CSF2RA: variants seen among roughly 807,000 people sequenced by gnomAD.
CSF2RA encodes the protein colony stimulating factor 2 receptor subunit alpha, also known as granulocyte-macrophage colony-stimulating factor receptor subunit alpha.
In CSF2RA, 42 loss-of-function variants were observed where a neutral mutation model predicts 51.6. The observed-to-expected ratio is 0.81, with a 90% CI of 0.64 to 1.05. The LOEUF (loss-of-function observed/expected upper bound fraction) is 1.05. CSF2RA is among the 50% of genes least tolerant of loss of function. The pLI, the probability that CSF2RA is intolerant of heterozygous loss-of-function variation, is 0.00. For missense variants in CSF2RA, 530 were observed against 501.1 expected (o/e 1.06, Z -0.55); for synonymous variants, 222 against 193.0 (o/e 1.15, Z -1.24).
intron 4 of CSF2RA, chrX:1,287,343 G>T (rs767030360): frequency 1.3e-5 from 2 of 150,518 alleles, no homozygotes; most frequent in Non-Finnish European, 3.0e-5. Context: ...TAGTAGAGAC[G>T]GGGTTTCACC....
At chrX:1,296,582 G>C (rs28463748) in intron 9 of CSF2RA, among the ~76,000 whole-genome samples, 17 of 13,176 alleles carry the variant, frequency 1.3e-3, no homozygotes, top group East Asian at 2.1e-3. Context: ...TGGCGGAACT[G>C]TACAGTCCCC....
chrX:1,309,471 A>G lies in CSF2RA; in HGVS notation c.1195A>G (p.Ile399Val), dbSNP rs1291254911. The G allele has an allele frequency of 6.2e-7, 1 of 1,613,992 alleles. No individual in the cohort carries two copies. The highest frequency in any genetic ancestry group is 1.1e-5 in the South Asian group (1 of 91,078). Residue 399 changes from isoleucine (I) to valine (V), a missense_variant, in exon 13 of 13, where the codon ATT becomes GTT. Ile to Val is a conservative substitution (Grantham distance 29). Coordinates refer to ENST00000381529, the MANE Select transcript of CSF2RA (RefSeq NM_172245.4). ...CGAAGAGGTCTTGACCGTGAAGGAAATTACCTGAGACCCAGAGGGTGTAGG... is the reference window on the plus strand; with the variant it reads ...CGAAGAGGTCTTGACCGTGAAGGAAGTTACCTGAGACCCAGAGGGTGTAGG... Reference protein sequence around the residue: ...YREEVLTVKEIT With the variant: ...YREEVLTVKEVT
intron 3 of CSF2RA, chrX:1,285,564 C>T (rs188943383): frequency 4.7e-5 from 29 of 618,280 alleles, no homozygotes; most frequent in African/African-American, 9.4e-5. Context: ...GCATGGTGGT[C>T]GGCGCCTGTC....
chrX:1,303,796 G>A lies in CSF2RA; in HGVS notation c.947-127G>A. ...GAACCAAAAACAGGGAGGCAGGTTT[G>A]CTGGGCCCAGTTCTCAGCTTGACTG... On this transcript the variant is annotated intron_variant, in intron 10 of 12. Transcript: ENST00000381529. The A allele has an allele frequency of 3.5e-6, 3 of 867,352 alleles. No homozygotes were observed. In the East Asian group the frequency reaches 7.3e-5, roughly 21 times the overall value. The allele number at this position is 867,352 out of a possible 1,614,324, so 53.7% of individuals were successfully genotyped here.
intron 9 of CSF2RA, among the ~76,000 whole-genome samples, chrX:1,299,065 G>A (rs759343904): frequency 1.1e-3 from 171 of 152,260 alleles, no homozygotes; most frequent in Middle Eastern, 6.8e-3. Context: ...ATCTCACACG[G>A]GTGAGGGCCC....
intron 2 of CSF2RA, among the ~76,000 whole-genome samples, chrX:1,280,961 CCTTCTCCTCCTCCTGCTT>C (rs2089904027): frequency 5.7e-5 from 4 of 69,642 alleles, no homozygotes; most frequent in African/African-American, 1.1e-4. Flanking sequence ...TCCTCCTCCT[CCTTCTCCTCCTCCTGCTT>C]CTCCTCCTCC....
intron 1 of CSF2RA, among the ~76,000 whole-genome samples, chrX:1,274,482 G>A (rs1277433516): frequency 1.0e-4 from 15 of 150,066 alleles, no homozygotes; most frequent in Non-Finnish European, 1.6e-4. Context: ...CCACTACCGC[G>A]CCCAGCTAAT....
chrX:1,285,637 GCTTGCA>G, intron 3 of CSF2RA, 135 bp from the exon 4 acceptor site: 1 of 1,006,710 alleles, frequency 9.9e-7, no homozygotes, highest in Non-Finnish European at 1.4e-6. Flanking sequence ...GGAGCTTGCA[GCTTGCA>G]GTGACCTGAG....
downstream of CSF2RA, among the ~76,000 whole-genome samples, chrX:1,314,563 ATC>A (rs2084415393): frequency 2.5e-5 from 2 of 80,766 alleles, no homozygotes; most frequent in African/African-American, 9.8e-5. Flanking sequence ...CACCTGCCCA[ATC>A]CCACTGCACC....
intron 12 of CSF2RA, 39 bp downstream of exon 12, chrX:1,305,566 G>C (rs1316368565): frequency 6.2e-7 from 1 of 1,613,856 alleles, no homozygotes; most frequent in South Asian, 1.1e-5. Context: ...TGGGATGGAA[G>C]GTGGGGAGTG....
At chrX:1,281,353 T>G (rs2090035909) in intron 2 of CSF2RA, among the ~76,000 whole-genome samples, 1 of 125,424 alleles carries the variant, frequency 8.0e-6, no homozygotes, top group East Asian at 2.6e-4. Flanking sequence ...CTCCTCTTCC[T>G]CCTTCTCCTC....
At chrX:1,320,564 C>T in the CSF2RA span, among the ~76,000 whole-genome samples, 1 of 147,578 alleles carries the variant, frequency 6.8e-6, no homozygotes, top group South Asian at 2.2e-4. Flanking sequence ...ATGGCGTGGT[C>T]TTGGCTCACT....
At chrX:1,292,570 T>C (rs780845423) in intron 7 of CSF2RA, among the ~76,000 whole-genome samples, 48 of 152,080 alleles carry the variant, frequency 3.2e-4, no homozygotes, top group African/African-American at 1.1e-3. Context: ...GTGTCACAAA[T>C]AAGTTCAAGG....
rs752104115 is a variant in CSF2RA at position 1,284,195 on chromosome X, CTTT to C, written c.76+1440_76+1442del. Among the ~76,000 whole-genome samples the C allele has an allele frequency of 3.6e-3, 329 of 91,740 alleles. 8 individuals are homozygous for C. Among genetic ancestry groups the C allele is most frequent in the South Asian group, 8.5e-3 (20 of 2,342 alleles). The allele number at this position is 91,740 out of a possible 152,430, so 60.2% of individuals were successfully genotyped here. A position where few individuals can be genotyped will look rare whatever the true frequency, so the allele number is the denominator to read the frequency against. ...CAAGCGGTTTTCTTTCTCTGTCTCTCTTTTTTTTTTTTTTTTTTTTTTTTTTGA... is the reference window on the plus strand; with the variant it reads ...CAAGCGGTTTTCTTTCTCTGTCTCTCTTTTTTTTTTTTTTTTTTTTTTTGA... On this transcript the variant is annotated intron_variant, in intron 3 of 12. Transcript: ENST00000381529.
intron 1 of CSF2RA, 74 bp from the exon 2 acceptor site, chrX:1,274,681 C>G: frequency 2.2e-6 from 1 of 448,974 alleles, no homozygotes; most frequent in Non-Finnish European, 4.4e-6. Context: ...AAATGCGAGG[C>G]AGGTTTGCCT....
intron 2 of CSF2RA, among the ~76,000 whole-genome samples, chrX:1,281,091 T>A (rs2089966461): frequency 1.6e-5 from 1 of 63,044 alleles, no homozygotes. Context: ...CTTCTCCTCC[T>A]GCTCCCCTTC....
At chrX:1,284,859 G>A (rs112841439) in intron 3 of CSF2RA, among the ~76,000 whole-genome samples, 1 of 151,864 alleles carries the variant, frequency 6.6e-6, no homozygotes, top group Non-Finnish European at 1.5e-5. Context: ...TAGAGACAGG[G>A]TTTCACCACA....
chrX:1,292,494 T>G (rs2091499378), intron 7 of CSF2RA, among the ~76,000 whole-genome samples: 1 of 152,104 alleles, frequency 6.6e-6, no homozygotes, highest in Admixed American at 6.6e-5. Flanking sequence ...GCAAGGGGAA[T>G]GTGGCAGGAG....
chrX:1,318,443 G>A, the CSF2RA span, among the ~76,000 whole-genome samples: 2 of 151,590 alleles, frequency 1.3e-5, no homozygotes, highest in African/African-American at 2.4e-5. Context: ...GATTACAGGC[G>A]TGAGCCACTG....
Sources: gnomAD v4.1 joint callset for allele counts (sites outside exome capture counted in the v4.1 genomes callset) on GRCh38, gnomAD v4.1.1 for gene constraint, MANE v1.5 for transcripts, NCBI Gene and HGNC (gene_info 2026-07-23, HGNC 2026-07-21) for gene names.